Variants in HRH1 observed in about 807,000 individuals in gnomAD.
HRH1 encodes the protein histamine H1 receptor.
Under a neutral mutation model 10.3 loss-of-function variants are expected in HRH1, and 6 were observed. The observed-to-expected ratio is 0.58, with a 90% CI of 0.32 to 1.15. The LOEUF (loss-of-function observed/expected upper bound fraction) is 1.15, where lower values mean the gene tolerates loss of function less well. Ranked by LOEUF, HRH1 falls within the 50% of genes most tolerant of loss-of-function variation. The pLI is 0.05. For synonymous variants in HRH1, 242 were observed against 236.7 expected, an observed-to-expected ratio of 1.02 and a Z score of -0.21; for missense variants, 514 against 615.3, an observed-to-expected ratio of 0.84 and a Z score of 1.74.
At chr3:11,230,718 T>C (rs1251960245) in intron 1 of HRH1, among the ~76,000 whole-genome samples, 1 of 152,216 alleles carries the variant, frequency 6.6e-6, no homozygotes, top group Admixed American at 6.5e-5. Flanking sequence ...TAATCCTGGC[T>C]GCACACTGGA....
In HRH1 at chr3:11,245,608, G is replaced by T. The variant is rs537728377; in HGVS notation, c.-35-13395G>T. On this transcript the variant is annotated intron_variant, in intron 1 of 1. Transcript: ENST00000431010. ...ATGTGCAAGGAGCGCTGACTGGGTTGTTTGCTGGCACATGGGCCTGATGGG... is the reference window on the plus strand; with the variant it reads ...ATGTGCAAGGAGCGCTGACTGGGTTTTTTGCTGGCACATGGGCCTGATGGG... Among the ~76,000 whole-genome samples the T allele has an allele frequency of 6.6e-5, 10 of 152,276 alleles. No homozygotes were observed. In the East Asian group the frequency reaches 1.9e-3, roughly 29 times the overall value.
chr3:11,188,175 CA>C (rs1937480293), intron 1 of HRH1, among the ~76,000 whole-genome samples: 1 of 152,048 alleles, frequency 6.6e-6, no homozygotes, highest in South Asian at 2.1e-4. Flanking sequence ...TTTTAATTGA[CA>C]ATATCTAGCA....
At position 11,260,132 on chromosome 3, in the gene HRH1, C is replaced by T. The variant is rs1939908436; in HGVS notation, c.1095C>T (p.Thr365=). Residue 365 remains threonine (T), a synonymous_variant, in exon 2 of 2, where the codon ACC becomes ACT. Transcript: ENST00000431010. The part of the protein sequence containing the change: ...SQSFSRTDSD[T]TTETAPGKGK... ...CCTTCTCTCGAACGGACTCAGATAC[C>T]ACCACAGAGACAGCACCAGGCAAAG... 1.2e-6 allele frequency: 2 copies of T among 1,613,904 alleles called. No homozygotes were observed. The highest frequency in any genetic ancestry group is 3.3e-5 in the Admixed American group (2 of 59,984).
intron 1 of HRH1, among the ~76,000 whole-genome samples, chr3:11,199,940 T>C (rs1281814027): frequency 1.3e-5 from 2 of 152,232 alleles, no homozygotes; most frequent in African/African-American, 2.4e-5. Flanking sequence ...CATTCTCAGC[T>C]CAGCCCATCA....
At chr3:11,160,997 C>T (rs1224550548) in intron 1 of HRH1, among the ~76,000 whole-genome samples, 1 of 152,130 alleles carries the variant, frequency 6.6e-6, no homozygotes, top group Non-Finnish European at 1.5e-5. Context: ...GTTTCTGCCT[C>T]CAAGTTTGGA....
intron 1 of HRH1, among the ~76,000 whole-genome samples, chr3:11,239,240 G>A (rs2152578781): frequency 1.3e-5 from 2 of 152,242 alleles, no homozygotes; most frequent in East Asian, 3.9e-4. Context: ...CTGTGGTTTT[G>A]ATTTTCATTT....
At chr3:11,177,219 G>A (rs1369598459) in intron 1 of HRH1, among the ~76,000 whole-genome samples, 1 of 150,316 alleles carries the variant, frequency 6.7e-6, no homozygotes, top group East Asian at 1.9e-4. Context: ...CAGCCTGGAC[G>A]ACAGAGTGAG....
rs758990097 is a variant in HRH1 at position 11,259,750 on chromosome 3, A to G, written c.713A>G (p.Lys238Arg). The change falls in exon 2 of 2, where the codon AAG (lysine) becomes AGG (arginine). Residue 238 changes from lysine to arginine, a missense_variant. Transcript: ENST00000431010. This position sits in a 1 kb window ranked among gnomAD's most constrained non-coding sequence, Gnocchi z 4.6. The stretch of plus-strand genomic sequence containing the variant: ...TCCCTCCCTTCCTTCTCAGAAATTA[A>G]GCTGAGGCCAGAGAACCCCAAGGGG... ...NRSLPSFSEI[K>R]LRPENPKGDA... 1.2e-6 allele frequency: 2 copies of G among 1,614,054 alleles called. No homozygotes were observed. The highest frequency in any genetic ancestry group is 2.2e-5 in the East Asian group (1 of 44,878).
intron 1 of HRH1, among the ~76,000 whole-genome samples, chr3:11,211,573 G>C (rs1275859654): frequency 6.6e-6 from 1 of 152,198 alleles, no homozygotes; most frequent in Non-Finnish European, 1.5e-5. Context: ...CCAAGACCCA[G>C]GGCAGCTCCA....
intron 1 of HRH1, among the ~76,000 whole-genome samples, chr3:11,197,408 A>G (rs750127534): frequency 9.9e-5 from 15 of 152,162 alleles, no homozygotes; most frequent in Non-Finnish European, 1.9e-4. Context: ...CCTGGCATCT[A>G]TAGGCAAAGA....
In HRH1 at chr3:11,234,527, T is replaced by C. The variant is rs1008145289; in HGVS notation, c.-35-24476T>C. On this transcript the variant is annotated intron_variant, in intron 1 of 1. Coordinates refer to ENST00000431010, the MANE Select transcript of HRH1 (RefSeq NM_001098212.2). ...GGCCATTCCCCCAAGGCATGGACGG[T>C]TCCAGTTAATGTCTTCATTGGTAGT... The C allele has an allele frequency of 4.9e-6, 7 of 1,415,452 alleles. No individual in the cohort carries two copies. The African/African-American group carries it at 9.9e-5, about 20-fold the overall frequency. The allele number at this position is 1,415,452 out of a possible 1,614,324, so 87.7% of individuals were successfully genotyped here.
At chr3:11,254,534 T>G (rs979748632) in intron 1 of HRH1, among the ~76,000 whole-genome samples, 2 of 152,228 alleles carry the variant, frequency 1.3e-5, no homozygotes, top group Non-Finnish European at 2.9e-5. Context: ...CAGAGTTACC[T>G]GGTCGCCACA....
intron 1 of HRH1, among the ~76,000 whole-genome samples, chr3:11,250,208 A>ATTTTTTTTTT (rs71055857): frequency 9.1e-3 from 972 of 106,694 alleles, no homozygotes; most frequent in Non-Finnish European, 0.012. Context: ...CACCCGGCTA[A>ATTTTTTTTTT]TTTTTTTTTT....
intron 1 of HRH1, among the ~76,000 whole-genome samples, chr3:11,188,232 A>G (rs1371946170): frequency 6.6e-6 from 1 of 152,224 alleles, no homozygotes; most frequent in Non-Finnish European, 1.5e-5. Context: ...GCTTTTAAGG[A>G]GAGCAGATTG....
exon 1 of HRH1, chr3:11,137,302 A>AT (rs1936201160): frequency 6.6e-6 from 1 of 152,176 alleles, no homozygotes; most frequent in Non-Finnish European, 1.5e-5. Context: ...GGGATTTTTC[A>AT]TTTAAGAAAA....
Position 11,249,264 on chromosome 3 carries a change from A to G in HRH1, c.-35-9739A>G, listed in dbSNP as rs534509168. Among the ~76,000 whole-genome samples the G allele has an allele frequency of 8.9e-4, 136 of 152,098 alleles. 2 individuals carry two copies. In the South Asian group the frequency reaches 0.018, roughly 20 times the overall value. On this transcript the variant is annotated intron_variant, in intron 1 of 1. Coordinates refer to ENST00000431010, the MANE Select transcript of HRH1 (RefSeq NM_001098212.2). Reference sequence around the variant, plus strand: ...AAAAAATAAAAAAAATTAGCTGGGCATGGTGGCAGGTGCCTGTAGTCCCAG... The same window carrying G: ...AAAAAATAAAAAAAATTAGCTGGGCGTGGTGGCAGGTGCCTGTAGTCCCAG...
At chr3:11,240,346 A>C (rs948098202) in intron 1 of HRH1, among the ~76,000 whole-genome samples, 1 of 152,214 alleles carries the variant, frequency 6.6e-6, no homozygotes, top group South Asian at 2.1e-4. Context: ...AAAATATTTC[A>C]TGTAAAAACT....
rs202148494 is a variant in HRH1, at chr3:11,261,192, C to T, written c.*691C>T. ...GATAGAAAATTATGCAGCTTGCACA[C>T]CCATCGTCTTTAACCCCAAATTTCC... On this transcript the variant is annotated 3_prime_UTR_variant, in exon 2 of 2. Transcript: ENST00000431010. 6.0e-6 allele frequency: 1 copy of T among 167,102 alleles called. No individual in the cohort carries two copies. Among genetic ancestry groups the T allele is most frequent in the Non-Finnish European group, 1.5e-5 (1 of 68,126 alleles). The allele number at this position is 167,102 out of a possible 1,614,324, so 10.4% of individuals were successfully genotyped here. A position where few individuals can be genotyped will look rare whatever the true frequency, so the allele number is the denominator to read the frequency against.
chr3:11,168,510 G>A (rs1050273443), intron 1 of HRH1, among the ~76,000 whole-genome samples: 3 of 152,218 alleles, frequency 2.0e-5, no homozygotes, highest in Non-Finnish European at 4.4e-5. Context: ...TGTTTCGAAG[G>A]CAGGACTGAG....
Sources: gnomAD v4.1 joint callset for allele counts (sites outside exome capture counted in the v4.1 genomes callset) on GRCh38, gnomAD v4.1.1 for gene constraint, Gnocchi (gnomAD v3.1) non-coding constraint, MANE v1.5 for transcripts, NCBI Gene and HGNC (gene_info 2026-07-23, HGNC 2026-07-21) for gene names.